Variants in PKD1L1 observed in about 807,000 individuals in gnomAD.
PKD1L1 encodes polycystin 1 like 1, transient receptor potential channel interacting.
In PKD1L1, 236 loss-of-function variants were observed where a neutral mutation model predicts 323.4. The observed-to-expected ratio is 0.73, with a 90% confidence interval of 0.66 to 0.81. The LOEUF is 0.81. Among genes scored for constraint, PKD1L1 ranks in the 40% least tolerant of loss-of-function variants. PKD1L1 has a pLI of 0.00. For missense variants in PKD1L1, 3,320 were observed against 3,508.0 expected (o/e 0.95, Z 1.35); for synonymous variants, 1,344 against 1,335.0 (o/e 1.01, Z -0.15).
intron 42 of PKD1L1, among the ~76,000 whole-genome samples, chr7:47,830,458 G>C (rs574304139): frequency 3.5e-4 from 54 of 152,232 alleles, no homozygotes; most frequent in Non-Finnish European, 5.6e-4. Context: ...CAACAACAAA[G>C]CTGGATGCTG....
intron 24 of PKD1L1, among the ~76,000 whole-genome samples, chr7:47,868,286 T>C (rs1162926925): frequency 5.9e-5 from 9 of 151,694 alleles, no homozygotes. Context: ...GGAGAATTGC[T>C]TGGATCCAGG....
At chr7:47,862,166 G>T (rs1562963010) in intron 26 of PKD1L1, among the ~76,000 whole-genome samples, 1 of 152,070 alleles carries the variant, frequency 6.6e-6, no homozygotes, top group South Asian at 2.1e-4. Context: ...CTACACTCCA[G>T]CTTGGGCGAC....
chr7:47,816,224 G>A (rs1785015960), intron 46 of PKD1L1, among the ~76,000 whole-genome samples: 1 of 152,246 alleles, frequency 6.6e-6, no homozygotes, highest in Non-Finnish European at 1.5e-5. Flanking sequence ...ATGAAGTGCA[G>A]TGTTGGCACA....
intron 23 of PKD1L1, among the ~76,000 whole-genome samples, chr7:47,875,176 T>C (rs6943832): frequency 0.44 from 67,397 of 152,046 alleles, 16,559 homozygotes; most frequent in African/African-American, 0.66. Context: ...AAGCAGAGCA[T>C]GATTATGAAG....
chr7:47,855,972 G>T (rs1426768807), intron 28 of PKD1L1, among the ~76,000 whole-genome samples: 5 of 151,570 alleles, frequency 3.3e-5, no homozygotes. Flanking sequence ...ATTTCAGGAT[G>T]TTGAGTATCA....
intron 13 of PKD1L1, among the ~76,000 whole-genome samples, chr7:47,899,684 C>G (rs188291654): frequency 6.6e-6 from 1 of 151,972 alleles, no homozygotes; most frequent in African/African-American, 2.4e-5. Flanking sequence ...AGGCCAGGCA[C>G]GGTGACGCAA....
At chr7:47,906,402 C>A (rs998762015) in intron 9 of PKD1L1, among the ~76,000 whole-genome samples, 1 of 152,120 alleles carries the variant, frequency 6.6e-6, no homozygotes, top group Non-Finnish European at 1.5e-5. Context: ...TGTACACACA[C>A]CATACACATA....
At chr7:47,810,946 T>A (rs1325724436) in intron 50 of PKD1L1, among the ~76,000 whole-genome samples, 1 of 152,194 alleles carries the variant, frequency 6.6e-6, no homozygotes, top group Non-Finnish European at 1.5e-5. Flanking sequence ...GCTCTGGTCC[T>A]ATAGGATTAG....
chr7:47,832,723 T>A (rs1583604818), intron 41 of PKD1L1, among the ~76,000 whole-genome samples: 1 of 152,234 alleles, frequency 6.6e-6, no homozygotes, highest in Non-Finnish European at 1.5e-5. Flanking sequence ...TCTAGGGTAA[T>A]CCCTGCCTCT....
rs1354910772 is a variant in PKD1L1, at chr7:47,905,182, T to C, written c.1666A>G (p.Lys556Glu). 4 of 1,613,982 alleles carry C rather than the reference T, an allele frequency of 2.5e-6. No individual in the cohort carries two copies. In the African/African-American group the frequency reaches 5.3e-5, roughly 22 times the overall value. Residue 556 changes from lysine (K) to glutamate (E), a missense_variant, in exon 11 of 57, where the codon AAA (lysine) becomes GAA (glutamate). Transcript: ENST00000289672. ...PPVRTTSRSI[K>E]KRLSIPQWYR... ...CATTGGGGGATGCTGAGTCTTTTTT[T>C]AATGCTTCTTGAAGTTGTCCTCACT...
chr7:47,780,581 G>A (rs1409598565), intron 56 of PKD1L1, among the ~76,000 whole-genome samples: 13 of 151,706 alleles, frequency 8.6e-5, no homozygotes, highest in East Asian at 3.9e-4. Context: ...GTAGTGAGCC[G>A]AGATTGTACC....
intron 23 of PKD1L1, 77 bp from the exon 24 acceptor site, chr7:47,874,087 T>A (rs1786348576): frequency 2.3e-6 from 2 of 886,180 alleles, no homozygotes; most frequent in East Asian, 2.5e-5. Flanking sequence ...ACAGACAGCA[T>A]CTTCTGGATG....
Position 47,781,934 on chromosome 7 carries a change from A to G in PKD1L1, c.8527-6768T>C, listed in dbSNP as rs140940509. Among the ~76,000 whole-genome samples the G allele has an allele frequency of 3.8e-4, 58 of 152,262 alleles. No individual in the cohort carries two copies. The East Asian group carries it at 9.7e-3, about 25-fold the overall frequency. On this transcript the variant is annotated intron_variant, in intron 56 of 56. Transcript: ENST00000289672. Reference sequence around the variant, plus strand: ...TGTCAAAAATGCTATTCTTCCTTCAATGAATTGCTTCAGCACCTTTGTCAA... The same window carrying G: ...TGTCAAAAATGCTATTCTTCCTTCAGTGAATTGCTTCAGCACCTTTGTCAA...
intron 54 of PKD1L1, among the ~76,000 whole-genome samples, chr7:47,796,512 A>G (rs1327572604): frequency 2.0e-5 from 3 of 152,142 alleles, no homozygotes; most frequent in African/African-American, 7.2e-5. Context: ...GCCTCAGGAG[A>G]GAGGCCTGTG....
rs920852848 is a variant in PKD1L1 at position 47,890,576 on chromosome 7, C to T, written c.2641G>A (p.Val881Met). The change falls in exon 16 of 57, where the codon GTG becomes ATG. Residue 881 changes from valine to methionine, a missense_variant. By Grantham distance (21) the Val-to-Met change is conservative. Coordinates refer to ENST00000289672, the MANE Select transcript of PKD1L1 (RefSeq NM_138295.5). ...GAGTCAGGGTAGGGGGACAGGAACA[C>T]CCGGGTCTCAGAAGAGTTCCGGCCA... ...SGGRNSSETR[V>M]FLSPYPDSAF... is the part of the protein sequence containing the mutation. The T allele has an allele frequency of 3.7e-6, 6 of 1,613,980 alleles. No homozygotes were observed. Among genetic ancestry groups the T allele is most frequent in the Admixed American group, 3.3e-5 (2 of 60,002 alleles).
At chr7:47,943,163 A>AAAATATATAT (rs1554417311) in intron 2 of PKD1L1, among the ~76,000 whole-genome samples, 2 of 34,150 alleles carry the variant, frequency 5.9e-5, no homozygotes, top group Admixed American at 3.9e-4. Context: ...AAAAAAAAAA[A>AAAATATATAT]ATATATATAT....
rs925436716 is a variant in PKD1L1, at chr7:47,835,255, C to G, written c.5944-12G>C. On this transcript the variant is annotated splice_polypyrimidine_tract_variant and intron_variant, in intron 37 of 56. Transcript: ENST00000289672. ...ACGTCCAAGTGGGGCTGCAACAAAG[C>G]AACAGCAGCCATTACATCAACTCAA... 3.9e-6 allele frequency: 6 copies of G among 1,539,452 alleles called. No homozygotes were observed. Among genetic ancestry groups the G allele is most frequent in the African/African-American group, 1.4e-5 (1 of 72,226 alleles).
chr7:47,901,932 G>C (rs907668698), intron 13 of PKD1L1, among the ~76,000 whole-genome samples: 1 of 151,800 alleles, frequency 6.6e-6, no homozygotes, highest in Non-Finnish European at 1.5e-5. Flanking sequence ...ACAGATAACC[G>C]ATCATGTCCT....
rs945856593 is a variant in PKD1L1, at chr7:47,882,094, A to T, written c.3266-9T>A. The T allele has an allele frequency of 5.0e-6, 8 of 1,612,346 alleles. No homozygotes were observed. Among genetic ancestry groups the T allele is most frequent in the Non-Finnish European group, 6.8e-6 (8 of 1,179,604 alleles). On this transcript the variant is annotated splice_polypyrimidine_tract_variant and intron_variant, in intron 19 of 56. Transcript: ENST00000289672. The stretch of plus-strand genomic sequence containing the variant: ...AAAGCTGGTGTCCTTAGCTAGGAAG[A>T]TAAACCAAGCCAATAGATGTTAAAG...
Sources: allele counts gnomAD v4.1 joint callset (sites outside exome capture counted in the v4.1 genomes callset), GRCh38; gene constraint gnomAD v4.1.1; transcripts MANE v1.5; gene names NCBI Gene and HGNC (gene_info 2026-07-23, HGNC 2026-07-21).